MUC17: variants seen among roughly 807,000 people sequenced by gnomAD.
MUC17 encodes the protein mucin 17, cell surface associated.
MUC17 carries 190 observed loss-of-function variants against 170.3 expected under a neutral mutation model. That is an observed-to-expected ratio of 1.12 (90% CI 0.99 to 1.26). The LOEUF (loss-of-function observed/expected upper bound fraction) is 1.26, where lower values mean the gene tolerates loss of function less well. Among genes scored for constraint, MUC17 ranks in the 50% most tolerant of loss-of-function variants. The probability of loss-of-function intolerance (pLI) is 0.00; values close to 1 mark genes in which losing one functional copy is unlikely to be tolerated. For missense variants in MUC17, 6,415 were observed against 5,530.0 expected (o/e 1.16, Z -5.08); for synonymous variants, 2,325 against 2,002.5 (o/e 1.16, Z -4.30).
chr7:101,056,150 C>T, intron 11 of MUC17, 44 bp from the exon 12 acceptor site: 1 of 1,612,312 alleles, frequency 6.2e-7, no homozygotes, highest in African/African-American at 1.3e-5. Flanking sequence ...AAAGTTTGTC[C>T]TTCTAACCTC....
Position 101,031,970 on chromosome 7 carries a change from GCACA to G in MUC17, c.556_559del (p.Thr186LeufsTer2), listed in dbSNP as rs1416140183. On this transcript the variant is annotated frameshift_variant, in exon 3 of 13. Coordinates refer to ENST00000306151, the MANE Select transcript of MUC17 (RefSeq NM_001040105.2). LOFTEE classifies it high-confidence loss of function. The stretch of plus-strand genomic sequence containing the variant: ...TCTTTAACATATAAGGTTGATATGA[GCACA>G]CCTCTGACCACTTCTACTCAGGCAA... 5 of 1,613,968 alleles carry G rather than the reference GCACA, an allele frequency of 3.1e-6. No homozygotes were observed. The highest frequency in any genetic ancestry group is 4.2e-6 in the Non-Finnish European group (5 of 1,180,042).
Position 101,036,481 on chromosome 7 carries a change from A to G in MUC17, c.5065A>G (p.Arg1689Gly), listed in dbSNP as rs778313320. 4 of 1,610,846 alleles carry G rather than the reference A, an allele frequency of 2.5e-6. No homozygotes were observed. In the South Asian group the frequency reaches 3.3e-5, roughly 13 times the overall value. ...GCCAACCTCAACTTATACTGAAGGA[A>G]GAACTCCTTTAACAAGTATAACTGT... ...SMPTSTYTEG[R>G]TPLTSITVRT... The change falls in exon 3 of 13, where the codon AGA (arginine) becomes GGA (glycine). Residue 1689 changes from arginine to glycine, a missense_variant. Coordinates refer to ENST00000306151, the MANE Select transcript of MUC17 (RefSeq NM_001040105.2).
chr7:101,040,961 G>C lies in MUC17; in HGVS notation c.9545G>C (p.Ser3182Thr), dbSNP rs762272326. The C allele has an allele frequency of 1.2e-6, 2 of 1,613,170 alleles. No homozygotes were observed. The highest frequency in any genetic ancestry group is 2.7e-5 in the African/African-American group (2 of 74,566). ...ATGCTGGTAGTCAGTTCTGAGGATA[G>C]CACCCTTTCAGCAACTCCTGTTGAC... ...STMLVVSSED[S>T]TLSATPVDTS... Residue 3182 changes from serine (S) to threonine (T), a missense_variant, in exon 3 of 13, where the codon AGC becomes ACC. Ser to Thr is a moderately conservative substitution (Grantham distance 58). Coordinates refer to ENST00000306151, the MANE Select transcript of MUC17 (RefSeq NM_001040105.2).
intron 3 of MUC17, among the ~76,000 whole-genome samples, chr7:101,044,641 C>G (rs1409177441): frequency 6.6e-6 from 1 of 152,180 alleles, no homozygotes; most frequent in Non-Finnish European, 1.5e-5. Context: ...CCTGTTTTCT[C>G]TCTTTTGTAT....
At chr7:101,049,956 C>A (rs762813132) in intron 6 of MUC17, among the ~76,000 whole-genome samples, 12 of 152,116 alleles carry the variant, frequency 7.9e-5, no homozygotes, top group Non-Finnish European at 1.2e-4. Flanking sequence ...CATAGCAAGA[C>A]CTTGTCTCTA....
Position 101,032,195 on chromosome 7 carries a change from C to A in MUC17, c.779C>A (p.Ala260Asp). The A allele has an allele frequency of 1.2e-6, 2 of 1,614,242 alleles. No homozygotes were observed. The highest frequency in any genetic ancestry group is 1.7e-6 in the Non-Finnish European group (2 of 1,180,034). Residue 260 changes from alanine to aspartate, a missense_variant, in exon 3 of 13, where the codon GCT (alanine) becomes GAT (aspartate). Ala to Asp is a moderately radical substitution (Grantham distance 126, BLOSUM62 -2). Transcript: ENST00000306151. ...CAAGCCAGTTCATCTCCTACAACTG[C>A]TGAAGGTCCCAGCCTGTCAAACTCA... Reference protein sequence around the residue: ...SAQASSSPTTAEGPSLSNSAP... With the variant: ...SAQASSSPTTDEGPSLSNSAP...
At position 101,040,163 on chromosome 7, in the gene MUC17, C is replaced by A. The variant is rs775729841; in HGVS notation, c.8747C>A (p.Thr2916Asn). The change falls in exon 3 of 13, where the codon ACC becomes AAC. Residue 2916 changes from threonine (T) to asparagine (N), a missense_variant. By Grantham distance (65) the Thr-to-Asn change is moderately conservative (BLOSUM62 0). Transcript: ENST00000306151. Reference protein sequence around the residue: ...GSSSPTTAEGTSMPISTPSEV... With the variant: ...GSSSPTTAEGNSMPISTPSEV... ...TCTTCTCCTACAACTGCTGAAGGTACCAGCATGCCAATCTCAACTCCTAGT... is the reference window on the plus strand; with the variant it reads ...TCTTCTCCTACAACTGCTGAAGGTAACAGCATGCCAATCTCAACTCCTAGT... 4.3e-6 allele frequency: 7 copies of A among 1,612,664 alleles called. No individual in the cohort carries two copies. In the Middle Eastern group the frequency reaches 4.9e-4, roughly 114 times the overall value.
rs1322429419 is a variant in MUC17, at chr7:101,043,694, C to T, written c.12278C>T (p.Thr4093Ile). ...TVNPEAVTTMTTRTKPSTRTT... is the reference protein window; with the variant it reads ...TVNPEAVTTMITRTKPSTRTT... ...AACCCTGAGGCTGTCACCACCATGA[C>T]CACCAGGACAAAACCCAGCACACGG... The change falls in exon 3 of 13, where the codon ACC (threonine) becomes ATC (isoleucine). Residue 4093 changes from threonine to isoleucine, a missense_variant. Thr to Ile is a moderately conservative substitution (Grantham distance 89). Transcript: ENST00000306151. 2 of 1,614,200 alleles carry T rather than the reference C, an allele frequency of 1.2e-6. No homozygotes were observed. The highest frequency in any genetic ancestry group is 1.7e-6 in the Non-Finnish European group (2 of 1,180,036).
intron 4 of MUC17, among the ~76,000 whole-genome samples, 178 bp from the exon 5 acceptor site, chr7:101,048,667 A>G (rs902357958): frequency 1.4e-4 from 22 of 152,140 alleles, no homozygotes; most frequent in Non-Finnish European, 2.5e-4. Flanking sequence ...GAAAGAAAAG[A>G]AAATGAATAA....
rs781026226 is a variant in MUC17 at position 101,035,806 on chromosome 7, A to G, written c.4390A>G (p.Asn1464Asp). Residue 1464 changes from asparagine (N) to aspartate (D), a missense_variant, in exon 3 of 13, where the codon AAC becomes GAC. Coordinates refer to ENST00000306151, the MANE Select transcript of MUC17 (RefSeq NM_001040105.2). The stretch of plus-strand genomic sequence containing the variant: ...TCCATTAAAAAGTATACCTGTCAGC[A>G]ACACGCCGGTGGCCAATTCTGAGGC... ...KTPLKSIPVSNTPVANSEAST... is the reference protein window; with the variant it reads ...KTPLKSIPVSDTPVANSEAST... The G allele has an allele frequency of 1.2e-6, 2 of 1,604,344 alleles. No individual in the cohort carries two copies. Among genetic ancestry groups the G allele is most frequent in the Non-Finnish European group, 1.7e-6 (2 of 1,174,720 alleles).
At chr7:101,047,609 C>A (rs1222613121) in intron 3 of MUC17, among the ~76,000 whole-genome samples, 1 of 152,090 alleles carries the variant, frequency 6.6e-6, no homozygotes, top group Non-Finnish European at 1.5e-5. Flanking sequence ...GTGGGCAGAT[C>A]ACCTGAGGTC....
chr7:101,043,157 C>T lies in MUC17; in HGVS notation c.11741C>T (p.Ser3914Leu). 1.9e-6 allele frequency: 3 copies of T among 1,614,212 alleles called. No homozygotes were observed. Among genetic ancestry groups the T allele is most frequent in the Non-Finnish European group, 1.7e-6 (2 of 1,180,028 alleles). ...TTTACCCCTTCTACTGACACTGCCT[C>T]AACTCCCACAATTCCTGTAGCCACC... ...TTFTPSTDTA[S>L]TPTIPVATTI... is the part of the protein sequence containing the mutation. The change falls in exon 3 of 13, where the codon TCA becomes TTA. Residue 3914 changes from serine to leucine, a missense_variant. Ser to Leu is a moderately radical substitution (Grantham distance 145). Coordinates refer to ENST00000306151, the MANE Select transcript of MUC17 (RefSeq NM_001040105.2).
chr7:101,033,507 C>G lies in MUC17; in HGVS notation c.2091C>G (p.Thr697=). ...STPLTSMPVN[T]TLVASSEAST... is the part of the protein sequence containing the mutation. ...CATTAACAAGTATGCCTGTCAACAC[C>G]ACACTGGTGGCCAGTTCTGAGGCTA... Residue 697 remains threonine (T), a synonymous_variant, in exon 3 of 13, where the codon ACC becomes ACG. Transcript: ENST00000306151. 6.2e-7 allele frequency: 1 copy of G among 1,613,902 alleles called. No individual in the cohort carries two copies. Among genetic ancestry groups the G allele is most frequent in the African/African-American group, 1.3e-5 (1 of 74,958 alleles).
intron 7 of MUC17, 30 bp from the exon 8 acceptor site, chr7:101,051,583 C>A: frequency 6.2e-7 from 1 of 1,610,340 alleles, no homozygotes; most frequent in Non-Finnish European, 8.5e-7. Context: ...GTGTATGTGT[C>A]GTGAGGGGTT....
chr7:101,032,032 A>T lies in MUC17; in HGVS notation c.616A>T (p.Ile206Leu). The T allele has an allele frequency of 6.2e-7, 1 of 1,614,252 alleles. No homozygotes were observed. Among genetic ancestry groups the T allele is most frequent in the Non-Finnish European group, 8.5e-7 (1 of 1,180,052 alleles). Residue 206 changes from isoleucine (I) to leucine (L), a missense_variant, in exon 3 of 13, where the codon ATA becomes TTA. Transcript: ENST00000306151. ...TCCTACTACTCCTGAAAGCACCACCATACCCAAATCAACTAACAGTGAAGG... is the reference window on the plus strand; with the variant it reads ...TCCTACTACTCCTGAAAGCACCACCTTACCCAAATCAACTAACAGTGAAGG... ...SSPTTPESTT[I>L]PKSTNSEGST...
chr7:101,031,088 C>G (rs1402876713), intron 1 of MUC17, 32 bp from the exon 2 acceptor site: 16 of 1,589,760 alleles, frequency 1.0e-5, no homozygotes, highest in African/African-American at 1.3e-5. Context: ...GATCATGGCT[C>G]TGGGATACTA....
chr7:101,031,973 C>A lies in MUC17; in HGVS notation c.557C>A (p.Thr186Lys). 1 of 1,614,146 alleles carries A rather than the reference C, an allele frequency of 6.2e-7. No individual in the cohort carries two copies. Among genetic ancestry groups the A allele is most frequent in the South Asian group, 1.1e-5 (1 of 91,084 alleles). ...TTAACATATAAGGTTGATATGAGCACACCTCTGACCACTTCTACTCAGGCA... is the reference window on the plus strand; with the variant it reads ...TTAACATATAAGGTTGATATGAGCAAACCTCTGACCACTTCTACTCAGGCA... ...TSLTYKVDMS[T>K]PLTTSTQASS... The change falls in exon 3 of 13, where the codon ACA becomes AAA. Residue 186 changes from threonine (T) to lysine (K), a missense_variant. Transcript: ENST00000306151.
At chr7:101,048,162 A>T in intron 4 of MUC17, 47 bp downstream of exon 4, 1 of 1,494,916 alleles carries the variant, frequency 6.7e-7, no homozygotes, top group Non-Finnish European at 8.9e-7. Flanking sequence ...CTGGGACCCG[A>T]CCTCCATACA....
chr7:101,053,664 G>A (rs764704274), intron 11 of MUC17: 1 of 411,662 alleles, frequency 2.4e-6, no homozygotes, highest in African/African-American at 2.0e-5. Flanking sequence ...GACCACTTGA[G>A]GTCAGGAGTT....
Sources: gnomAD v4.1 joint callset for allele counts (sites outside exome capture counted in the v4.1 genomes callset) on GRCh38, gnomAD v4.1.1 for gene constraint, MANE v1.5 for transcripts, NCBI Gene and HGNC (gene_info 2026-07-23, HGNC 2026-07-21) for gene names.